Variants in CTNNA2 observed in about 807,000 individuals in gnomAD.
The protein encoded by CTNNA2 is catenin alpha-2.
A neutral mutation model predicts 101.0 loss-of-function variants in CTNNA2; 42 were observed. That is an observed-to-expected ratio of 0.42 (90% CI 0.32 to 0.54). The LOEUF is 0.54. Ranked by LOEUF, CTNNA2 falls within the 20% of genes least tolerant of loss-of-function variation. The pLI is 0.14. For missense variants in CTNNA2, 871 were observed against 1,223.1 expected, an observed-to-expected ratio of 0.71 and a Z score of 4.29; for synonymous variants, 450 against 456.4, an observed-to-expected ratio of 0.99 and a Z score of 0.18.
chr2:79,357,854 A>T (rs142933846), intron 3 of CTNNA2, among the ~76,000 whole-genome samples: 310 of 152,306 alleles, frequency 2.0e-3, no homozygotes, highest in African/African-American at 7.4e-3. Context: ...CCAGAAAAAG[A>T]AACGTTTTTT....
chr2:79,869,777 A>G, intron 4 of CTNNA2, 39 bp from the exon 5 acceptor site: 1 of 1,596,894 alleles, frequency 6.3e-7, no homozygotes, highest in Non-Finnish European at 8.5e-7. Context: ...ATATTTAAAT[A>G]CTATCCACTA....
At chr2:79,628,389 G>T (rs1372129084) in intron 1 of CTNNA2, among the ~76,000 whole-genome samples, 4 of 151,588 alleles carry the variant, frequency 2.6e-5, no homozygotes, top group Admixed American at 6.6e-5. Flanking sequence ...GGAGGTGGAG[G>T]TTGCAGTGAA....
intron 2 of CTNNA2, among the ~76,000 whole-genome samples, chr2:79,286,880 T>A (rs1420219982): frequency 2.6e-5 from 4 of 152,204 alleles, no homozygotes; most frequent in Admixed American, 2.6e-4. Flanking sequence ...TCTCCGTCAC[T>A]TTCAGGTACA....
At chr2:80,421,515 A>G (rs1559095979) in intron 9 of CTNNA2, among the ~76,000 whole-genome samples, 5 of 152,018 alleles carry the variant, frequency 3.3e-5, no homozygotes, top group Admixed American at 2.0e-4. Flanking sequence ...GGACACATCC[A>G]CCCTCTCCCC....
chr2:80,316,099 G>C (rs1481941277), intron 7 of CTNNA2, among the ~76,000 whole-genome samples: 2 of 152,136 alleles, frequency 1.3e-5, no homozygotes, highest in African/African-American at 4.8e-5. Flanking sequence ...ATAGATCTTT[G>C]ATTTTTAAAG....
intron 4 of CTNNA2, among the ~76,000 whole-genome samples, chr2:79,438,342 C>G (rs1194200921): frequency 6.6e-6 from 1 of 152,166 alleles, no homozygotes. Flanking sequence ...CTGGAACGCA[C>G]AAAGCCCTGT....
intron 7 of CTNNA2, among the ~76,000 whole-genome samples, chr2:80,098,633 C>G (rs1234105108): frequency 6.6e-6 from 1 of 152,216 alleles, no homozygotes; most frequent in African/African-American, 2.4e-5. Flanking sequence ...GCAGGCCTCC[C>G]CGAGCTGTGG....
intron 6 of CTNNA2, among the ~76,000 whole-genome samples, chr2:79,896,331 C>G (rs962217394): frequency 6.6e-6 from 1 of 151,880 alleles, no homozygotes. Flanking sequence ...CAATAGGTTA[C>G]TCATCCCCAT....
At chr2:80,068,527 G>A (rs920745085) in intron 7 of CTNNA2, among the ~76,000 whole-genome samples, 1 of 152,170 alleles carries the variant, frequency 6.6e-6, no homozygotes, top group Admixed American at 6.5e-5. Context: ...TTGGCTCACT[G>A]CTTTTCATCT....
At chr2:80,241,688 A>C (rs1670956738) in intron 7 of CTNNA2, among the ~76,000 whole-genome samples, 1 of 152,106 alleles carries the variant, frequency 6.6e-6, no homozygotes, top group African/African-American at 2.4e-5. Flanking sequence ...TCATCTGTAT[A>C]GGGCATTTAA....
intron 4 of CTNNA2, among the ~76,000 whole-genome samples, chr2:79,469,928 G>A (rs1471755208): frequency 2.6e-5 from 4 of 152,106 alleles, no homozygotes; most frequent in African/African-American, 7.2e-5. Flanking sequence ...ATATCATACT[G>A]AATGGGCAAA....
intron 7 of CTNNA2, among the ~76,000 whole-genome samples, chr2:79,959,685 A>G (rs1449022786): frequency 6.6e-6 from 1 of 152,234 alleles, no homozygotes; most frequent in Non-Finnish European, 1.5e-5. Flanking sequence ...TGCTTTGGGC[A>G]TTAGTGGTTT....
intron 2 of CTNNA2, among the ~76,000 whole-genome samples, chr2:79,212,012 A>G (rs965443429): frequency 7.2e-5 from 11 of 152,224 alleles, no homozygotes; most frequent in Non-Finnish European, 1.3e-4. Context: ...TGGCCTGGAT[A>G]TGGTTTTGTA....
At chr2:80,565,234 A>G (rs1246893988) in intron 12 of CTNNA2, among the ~76,000 whole-genome samples, 1 of 152,186 alleles carries the variant, frequency 6.6e-6, no homozygotes, top group Non-Finnish European at 1.5e-5. Flanking sequence ...TTCCTCATGG[A>G]TCTGGGGAGG....
chr2:80,071,817 G>A (rs1698361793), intron 7 of CTNNA2, among the ~76,000 whole-genome samples: 1 of 152,126 alleles, frequency 6.6e-6, no homozygotes, highest in Admixed American at 6.5e-5. Flanking sequence ...CACATTTGGT[G>A]GCAAAGGTGG....
chr2:80,589,228 C>T (rs777688492), intron 14 of CTNNA2, 76 bp from the exon 15 acceptor site: 9 of 1,435,610 alleles, frequency 6.3e-6, no homozygotes, highest in South Asian at 2.5e-5. Context: ...CTCTGCCATC[C>T]GCAGAAGGCA....
rs555157651 is a variant in CTNNA2 at position 80,204,174 on chromosome 2, T to A, written c.1057-189037T>A. Reference sequence around the variant, plus strand: ...GGGGCTGCCGCAAAGTTCTCTAACATGCCCTGGAGATATTTTCCCCATTCT... The same window carrying A: ...GGGGCTGCCGCAAAGTTCTCTAACAAGCCCTGGAGATATTTTCCCCATTCT... On this transcript the variant is annotated intron_variant, in intron 7 of 18. Transcript: ENST00000402739. Among the ~76,000 whole-genome samples the A allele has an allele frequency of 1.4e-4, 21 of 152,328 alleles. 1 individual carries two copies. In the South Asian group the frequency reaches 3.7e-3, roughly 27 times the overall value.
chr2:79,873,942 G>A (rs1409843040), intron 5 of CTNNA2, 134 bp from the exon 6 acceptor site: 2 of 1,371,426 alleles, frequency 1.5e-6, no homozygotes, highest in African/African-American at 1.5e-5. Flanking sequence ...ATATGCAAAG[G>A]CCTGGCAGCT....
chr2:80,250,189 G>T (rs1671649350), intron 7 of CTNNA2, among the ~76,000 whole-genome samples: 1 of 124,280 alleles, frequency 8.0e-6, no homozygotes, highest in African/African-American at 3.4e-5. Flanking sequence ...GGGGGAGAGA[G>T]AGAGAGAGAG....
Sources: gnomAD v4.1 joint callset for allele counts (sites outside exome capture counted in the v4.1 genomes callset) on GRCh38, gnomAD v4.1.1 for gene constraint, MANE v1.5 for transcripts, NCBI Gene and HGNC (gene_info 2026-07-23, HGNC 2026-07-21) for gene names.